The following BCL7A variants were observed in gnomAD, a reference collection of about 807,000 sequenced individuals.
BCL7A encodes BAF chromatin remodeling complex subunit BCL7A.
In BCL7A, 11 loss-of-function variants were observed where a neutral mutation model predicts 28.4. That is an observed-to-expected ratio of 0.39 (90% CI 0.24 to 0.64). BCL7A has a LOEUF of 0.64. Among genes scored for constraint, BCL7A ranks in the 30% least tolerant of loss-of-function variants. The pLI is 0.50. For missense variants in BCL7A, 222 were observed against 274.8 expected (o/e 0.81, Z 1.36); for synonymous variants, 123 against 103.3 (o/e 1.19, Z -1.15).
chr12:122,024,249 A>T (rs1828303479), intron 1 of BCL7A, among the ~76,000 whole-genome samples: 1 of 152,224 alleles, frequency 6.6e-6, no homozygotes, highest in African/African-American at 2.4e-5. Context: ...CTTCCAGTTC[A>T]CTTCGTTGCC....
chr12:122,030,295 T>C (rs1474698122), intron 1 of BCL7A, among the ~76,000 whole-genome samples: 4 of 152,178 alleles, frequency 2.6e-5, no homozygotes, highest in Non-Finnish European at 5.9e-5. Context: ...TGGTGACGAC[T>C]CCACCCCCCA....
chr12:122,059,367 C>G lies in BCL7A; in HGVS notation c.*204C>G, dbSNP rs1344167571. 1 of 535,452 alleles carries G rather than the reference C, an allele frequency of 1.9e-6. No individual in the cohort carries two copies. The highest frequency in any genetic ancestry group is 1.9e-5 in the African/African-American group (1 of 52,670). 33.2% of individuals were successfully genotyped at this position (535,452 alleles called of 1,614,324 possible). A position where few individuals can be genotyped will look rare whatever the true frequency, so the allele number is the denominator to read the frequency against. On this transcript the variant is annotated 3_prime_UTR_variant, in exon 6 of 6. Coordinates refer to ENST00000261822, the MANE Select transcript of BCL7A (RefSeq NM_001024808.3). The surrounding 1 kb of genome is among the most constrained non-coding windows in gnomAD (Gnocchi z 4.0). Reference sequence around the variant, plus strand: ...CTGCTGTGAAGCAAAACACTCAAACCTTTAAGGGACTGTCCTTGGGGAGGC... The same window carrying G: ...CTGCTGTGAAGCAAAACACTCAAACGTTTAAGGGACTGTCCTTGGGGAGGC...
At chr12:122,023,853 CAAAG>C (rs1327078616) in intron 1 of BCL7A, among the ~76,000 whole-genome samples, 1 of 152,194 alleles carries the variant, frequency 6.6e-6, no homozygotes, top group Non-Finnish European at 1.5e-5. Context: ...AGCCCCTGTG[CAAAG>C]AAAGAACTGG....
At chr12:122,025,230 G>A (rs1883593861) in intron 1 of BCL7A, among the ~76,000 whole-genome samples, 1 of 152,194 alleles carries the variant, frequency 6.6e-6, no homozygotes, top group Admixed American at 6.5e-5. Context: ...CGCTGCGGTG[G>A]CTCACGCCTG....
At chr12:122,044,238 G>A (rs1182223129) in intron 4 of BCL7A, 185 bp downstream of exon 4, 3 of 680,486 alleles carry the variant, frequency 4.4e-6, no homozygotes, top group Non-Finnish European at 4.7e-6. Flanking sequence ...GCCAGGTGCA[G>A]TGGCTCATGC....
rs999612415 is a variant in BCL7A, at chr12:122,061,251, C to G, written c.*2088C>G. The G allele has an allele frequency of 1.7e-5, 4 of 230,978 alleles. No homozygotes were observed. The highest frequency in any genetic ancestry group is 8.9e-5 in the African/African-American group (4 of 45,192). 14.3% of individuals were successfully genotyped at this position (230,978 alleles called of 1,614,324 possible). Reference sequence around the variant, plus strand: ...AATGAAACACACACATCCACAGAAACAGAGAGGCGTAGGTGGCCCTGCCGT... The same window carrying G: ...AATGAAACACACACATCCACAGAAAGAGAGAGGCGTAGGTGGCCCTGCCGT... On this transcript the variant is annotated 3_prime_UTR_variant, in exon 6 of 6. Coordinates refer to ENST00000261822, the MANE Select transcript of BCL7A (RefSeq NM_001024808.3).
At chr12:122,027,163 G>C (rs1883647219) in intron 1 of BCL7A, among the ~76,000 whole-genome samples, 1 of 152,208 alleles carries the variant, frequency 6.6e-6, no homozygotes. Flanking sequence ...GGCATCTGAG[G>C]GGGGCCAGAG....
At chr12:122,042,605 G>A (rs542967569) in intron 3 of BCL7A, among the ~76,000 whole-genome samples, 6 of 150,206 alleles carry the variant, frequency 4.0e-5, no homozygotes, top group South Asian at 2.1e-4. Flanking sequence ...AGCCCAGATC[G>A]CGCCATTGCA....
chr12:122,054,411 T>A (rs1396674418), intron 4 of BCL7A, among the ~76,000 whole-genome samples: 1 of 152,026 alleles, frequency 6.6e-6, no homozygotes, highest in Non-Finnish European at 1.5e-5. Context: ...TTAAGAGAAA[T>A]GTTTACAAAA....
At chr12:122,026,649 C>T (rs1009939963) in intron 1 of BCL7A, among the ~76,000 whole-genome samples, 1 of 152,214 alleles carries the variant, frequency 6.6e-6, no homozygotes, top group African/African-American at 2.4e-5. Context: ...CTACTGGGCA[C>T]ATGGCAGGTC....
At chr12:122,047,491 T>C (rs536796810) in intron 4 of BCL7A, among the ~76,000 whole-genome samples, 1 of 150,988 alleles carries the variant, frequency 6.6e-6, no homozygotes, top group African/African-American at 2.4e-5. Flanking sequence ...ACCACTGCAC[T>C]CCAGCCTGGG....
intron 1 of BCL7A, among the ~76,000 whole-genome samples, 157 bp downstream of exon 1, chr12:122,022,340 C>T (rs1397910574): frequency 7.0e-6 from 1 of 142,798 alleles, no homozygotes; most frequent in Non-Finnish European, 1.5e-5. Context: ...GGGCGGGCGG[C>T]GCGCGAGCCG....
At chr12:122,022,429 G>T (rs996302089) in intron 1 of BCL7A, among the ~76,000 whole-genome samples, 18 of 144,852 alleles carry the variant, frequency 1.2e-4, no homozygotes, top group African/African-American at 4.2e-4. Flanking sequence ...CGGCGGCCCG[G>T]AGGCGGCGGG....
intron 5 of BCL7A, 89 bp downstream of exon 5, chr12:122,055,015 G>A (rs1477287252): frequency 1.2e-6 from 2 of 1,608,134 alleles, no homozygotes; most frequent in African/African-American, 2.7e-5. Flanking sequence ...TTTCGTCATT[G>A]TGTTTTGTTG....
intron 2 of BCL7A, among the ~76,000 whole-genome samples, chr12:122,031,690 T>A (rs1883748332): frequency 6.6e-6 from 1 of 152,140 alleles, no homozygotes; most frequent in Non-Finnish European, 1.5e-5. Flanking sequence ...GTGGAGCTGC[T>A]GGTGACAGGG....
chr12:122,038,941 G>A (rs1391700381), intron 3 of BCL7A, among the ~76,000 whole-genome samples: 1 of 152,018 alleles, frequency 6.6e-6, no homozygotes, highest in Admixed American at 6.6e-5. Flanking sequence ...TTGGGAGGCC[G>A]AGTTAGGAGG....
At chr12:122,054,771 G>A (rs1215887022) in intron 4 of BCL7A, 34 bp from the exon 5 acceptor site, 12 of 1,603,912 alleles carry the variant, frequency 7.5e-6, no homozygotes, top group Non-Finnish European at 9.4e-6. Flanking sequence ...TCACGTGTCT[G>A]AAAACAGCTC....
At chr12:122,045,395 A>G (rs1884054163) in intron 4 of BCL7A, among the ~76,000 whole-genome samples, 1 of 152,034 alleles carries the variant, frequency 6.6e-6, no homozygotes, top group African/African-American at 2.4e-5. Flanking sequence ...AAATTTTAAA[A>G]AGTTAATAAT....
chr12:122,053,484 C>CT (rs1884241073), intron 4 of BCL7A, among the ~76,000 whole-genome samples: 1 of 152,192 alleles, frequency 6.6e-6, no homozygotes, highest in Non-Finnish European at 1.5e-5. Flanking sequence ...TGTTATTACT[C>CT]TGCCTCAGAA....
Sources: gnomAD v4.1 joint callset for allele counts (sites outside exome capture counted in the v4.1 genomes callset) on GRCh38, gnomAD v4.1.1 for gene constraint, Gnocchi (gnomAD v3.1) non-coding constraint, MANE v1.5 for transcripts, NCBI Gene and HGNC (gene_info 2026-07-23, HGNC 2026-07-21) for gene names.